The following CNTN5 variants were observed in gnomAD, a reference collection of about 807,000 sequenced individuals.
CNTN5 encodes the protein contactin 5.
CNTN5 carries 77 observed loss-of-function variants against 129.1 expected under a neutral mutation model. That is an observed-to-expected ratio of 0.60 (90% confidence interval 0.50 to 0.72). The LOEUF (loss-of-function observed/expected upper bound fraction) is 0.72, where lower values mean the gene tolerates loss of function less well. Among genes scored for constraint, CNTN5 ranks in the 30% least tolerant of loss-of-function variants. CNTN5 has a pLI of 0.00. For missense variants in CNTN5, 1,478 were observed against 1,328.8 expected, an observed-to-expected ratio of 1.11 and a Z score of -1.75; for synonymous variants, 509 against 465.6, an observed-to-expected ratio of 1.09 and a Z score of -1.20.
chr11:99,674,119 G>A (rs183014718), intron 3 of CNTN5, among the ~76,000 whole-genome samples: 1 of 152,226 alleles, frequency 6.6e-6, no homozygotes, highest in Non-Finnish European at 1.5e-5. Flanking sequence ...GTCAGCATCT[G>A]TTATTTTTTG....
chr11:99,149,956 A>C (rs559962211), intron 1 of CNTN5, among the ~76,000 whole-genome samples: 5 of 152,224 alleles, frequency 3.3e-5, no homozygotes, highest in African/African-American at 1.2e-4. Context: ...GTATATTGCT[A>C]TTCACTTAGA....
At chr11:99,607,183 T>G (rs1950447988) in intron 3 of CNTN5, among the ~76,000 whole-genome samples, 2 of 85,276 alleles carry the variant, frequency 2.3e-5, no homozygotes, top group African/African-American at 4.7e-5. Context: ...GGGAGAAAAT[T>G]TTCACAACCT....
At chr11:99,640,626 G>A (rs774917684) in intron 3 of CNTN5, among the ~76,000 whole-genome samples, 14 of 152,110 alleles carry the variant, frequency 9.2e-5, no homozygotes, top group Non-Finnish European at 1.8e-4. Context: ...ACTTTTCTAT[G>A]TTTTAATTAC....
At chr11:99,295,904 A>AG (rs1864366143) in intron 1 of CNTN5, among the ~76,000 whole-genome samples, 1 of 151,344 alleles carries the variant, frequency 6.6e-6, no homozygotes, top group African/African-American at 2.4e-5. Flanking sequence ...AAAAAAAAAA[A>AG]AGAGTTTTGA....
At chr11:100,175,150 A>T (rs1421680985) in intron 13 of CNTN5, among the ~76,000 whole-genome samples, 2 of 152,122 alleles carry the variant, frequency 1.3e-5, no homozygotes, top group Non-Finnish European at 2.9e-5. Context: ...ATGTGATCTT[A>T]TGCAAAGCTT....
Position 100,120,604 on chromosome 11 carries a change from AAAT to A in CNTN5, c.1580+46313_1580+46315del, listed in dbSNP as rs571596533. Among the ~76,000 whole-genome samples, 17 of 152,074 alleles carry A rather than the reference AAAT, an allele frequency of 1.1e-4. 1 individual carries two copies. The South Asian group carries it at 3.3e-3, about 30-fold the overall frequency. On this transcript the variant is annotated intron_variant, in intron 13 of 24. Coordinates refer to ENST00000524871, the MANE Select transcript of CNTN5 (RefSeq NM_014361.4). ...TAAGCCATAGATTTGGGGGAAGAAA[AAAT>A]AAGAATTTTAGAAACAGTTGAAACA...
chr11:99,220,229 C>G (rs1860330673), intron 1 of CNTN5, among the ~76,000 whole-genome samples: 1 of 152,004 alleles, frequency 6.6e-6, no homozygotes, highest in Non-Finnish European at 1.5e-5. Context: ...TTACAGGTCA[C>G]TAACACTTGC....
intron 1 of CNTN5, among the ~76,000 whole-genome samples, chr11:99,121,245 C>T (rs1858311116): frequency 6.6e-6 from 1 of 151,848 alleles, no homozygotes; most frequent in South Asian, 2.1e-4. Context: ...AGTGATTCTC[C>T]TGCTTCAGCC....
chr11:99,550,429 C>T (rs1044134947), intron 2 of CNTN5, among the ~76,000 whole-genome samples: 1 of 152,076 alleles, frequency 6.6e-6, no homozygotes. Context: ...AGCAATTCAC[C>T]TCAAAAACTT....
At chr11:99,170,942 G>A (rs1345923444) in intron 1 of CNTN5, among the ~76,000 whole-genome samples, 1 of 152,058 alleles carries the variant, frequency 6.6e-6, no homozygotes, top group African/African-American at 2.4e-5. Flanking sequence ...TAAATTAAAT[G>A]GAAAGAATAT....
chr11:99,165,155 T>TA (rs1356771319), intron 1 of CNTN5, among the ~76,000 whole-genome samples: 1 of 152,222 alleles, frequency 6.6e-6, no homozygotes, highest in East Asian at 1.9e-4. Context: ...AATCAGTAGT[T>TA]AATGAGGTTG....
intron 1 of CNTN5, among the ~76,000 whole-genome samples, chr11:99,198,061 T>C (rs1858993520): frequency 6.6e-6 from 1 of 152,102 alleles, no homozygotes; most frequent in Non-Finnish European, 1.5e-5. Flanking sequence ...TATTCCCAGC[T>C]CAATGTAGAA....
intron 18 of CNTN5, among the ~76,000 whole-genome samples, chr11:100,271,977 C>T (rs901784608): frequency 6.6e-6 from 1 of 152,010 alleles, no homozygotes; most frequent in Non-Finnish European, 1.5e-5. Context: ...TCTTTTATGT[C>T]CCTCTAATGT....
At chr11:99,510,705 A>G (rs2515386) in intron 2 of CNTN5, among the ~76,000 whole-genome samples, 152,114 of 152,322 alleles carry the variant, frequency 1, 75,953 homozygotes, top group Non-Finnish European at 1. Flanking sequence ...TTCAACGTTT[A>G]TGGTGATGCT....
chr11:100,288,910 A>C (rs1387723155), intron 18 of CNTN5, among the ~76,000 whole-genome samples: 1 of 152,048 alleles, frequency 6.6e-6, no homozygotes, highest in Non-Finnish European at 1.5e-5. Context: ...GACACAATAA[A>C]AAATGATAAA....
intron 3 of CNTN5, among the ~76,000 whole-genome samples, chr11:99,719,496 A>G (rs1943095218): frequency 6.6e-6 from 1 of 152,118 alleles, no homozygotes; most frequent in Non-Finnish European, 1.5e-5. Context: ...CAAAGGATGA[A>G]GATGAAGCAA....
rs200730404 is a variant in CNTN5 at position 99,981,990 on chromosome 11, A to T, written c.878-20044A>T. Among the ~76,000 whole-genome samples, 258 of 152,344 alleles carry T rather than the reference A, an allele frequency of 1.7e-3. 2 individuals carry two copies. In the East Asian group the frequency reaches 0.029, roughly 17 times the overall value. ...GGAAAAGTGTAAATAGTAAATGCCT[A>T]GGAGTTTGTAGGATGGATCCATCGA... is the stretch of plus-strand genomic sequence containing the variant. On this transcript the variant is annotated intron_variant, in intron 8 of 24. Transcript: ENST00000524871.
chr11:99,898,403 A>C (rs1243493539), intron 6 of CNTN5, among the ~76,000 whole-genome samples: 3 of 152,028 alleles, frequency 2.0e-5, no homozygotes, highest in East Asian at 3.9e-4. Flanking sequence ...CCAGAAAAAC[A>C]AAAAAAGATC....
chr11:99,301,886 A>C (rs1408157966), intron 1 of CNTN5, among the ~76,000 whole-genome samples: 1 of 151,752 alleles, frequency 6.6e-6, no homozygotes, highest in Non-Finnish European at 1.5e-5. Flanking sequence ...GTATGGACTC[A>C]AAACACAATG....
Sources: allele counts gnomAD v4.1 joint callset (sites outside exome capture counted in the v4.1 genomes callset), GRCh38; gene constraint gnomAD v4.1.1; transcripts MANE v1.5; gene names NCBI Gene and HGNC (gene_info 2026-07-23, HGNC 2026-07-21).